RIOK2: variants seen among roughly 807,000 people sequenced by gnomAD.
RIOK2 encodes serine/threonine-protein kinase RIO2.
A neutral mutation model predicts 62.4 loss-of-function variants in RIOK2; 46 were observed. The ratio of observed to expected loss-of-function variants is 0.74; its 90% CI spans 0.58 to 0.94. RIOK2 has a LOEUF of 0.94. Ranked by LOEUF, RIOK2 falls within the 40% of genes least tolerant of loss-of-function variation. The pLI is 0.00. For synonymous variants in RIOK2, 197 were observed against 216.0 expected, an observed-to-expected ratio of 0.91 and a Z score of 0.77; for missense variants, 574 against 658.0, an observed-to-expected ratio of 0.87 and a Z score of 1.40.
At chr5:97,173,931 G>A (rs1457285184) in intron 4 of RIOK2, among the ~76,000 whole-genome samples, 1 of 152,098 alleles carries the variant, frequency 6.6e-6, no homozygotes, top group Non-Finnish European at 1.5e-5. Flanking sequence ...AAATACCTTA[G>A]ATTTATGCCC....
chr5:97,177,623 A>G, intron 3 of RIOK2, 109 bp downstream of exon 3: 1 of 718,780 alleles, frequency 1.4e-6, no homozygotes. Context: ...CAACTTTCCA[A>G]CTTACTGTTT....
intron 1 of RIOK2, chr5:97,182,714 A>C (rs113395488): frequency 9.2e-5 from 21 of 227,650 alleles, no homozygotes; most frequent in African/African-American, 4.2e-4. Context: ...GTGTTGACTG[A>C]ATGAATCAGA....
chr5:97,171,398 C>A lies in RIOK2; in HGVS notation c.588-1G>T. 1 of 1,516,472 alleles carries A rather than the reference C, an allele frequency of 6.6e-7. No homozygotes were observed. Among genetic ancestry groups the A allele is most frequent in the Non-Finnish European group, 8.8e-7 (1 of 1,129,966 alleles). 93.9% of individuals were successfully genotyped at this position (1,516,472 alleles called of 1,614,324 possible). On this transcript the variant is annotated splice_acceptor_variant, in intron 5 of 9. Transcript: ENST00000283109. LOFTEE classifies it high-confidence loss of function. ...ATCTTCAACATGGTGTATCTGACAT[C>A]TGAAAGTATTTTAAGCATGAAAATA... is the stretch of plus-strand genomic sequence containing the variant.
chr5:97,167,842 A>G lies in RIOK2; in HGVS notation c.1022T>C (p.Val341Ala). 6.2e-7 allele frequency: 1 copy of G among 1,614,094 alleles called. No homozygotes were observed. Residue 341 changes from valine (V) to alanine (A), a missense_variant, in exon 8 of 10, where the codon GTG becomes GCG. Transcript: ENST00000283109. ...CCCGTAAACCTCTGCTTTTTCTGCC[A>G]CTTCTCCATCTGAAAATGAGAATTC... ...GSEFSFSDGE[V>A]AEKAEVYGSE...
chr5:97,177,198 CGTTT>C lies in RIOK2; in HGVS notation c.412_415del (p.Lys138AlafsTer21), dbSNP rs755714629. On this transcript the variant is annotated frameshift_variant, in exon 4 of 10. Transcript: ENST00000283109. LOFTEE classifies it high-confidence loss of function. ...ATTGTGCCTATGTTTATGATAATCG[CGTTT>C]GTTTTTCAAATTTCGAAACGAGGTT... The C allele has an allele frequency of 2.0e-5, 32 of 1,613,246 alleles. No homozygotes were observed. Among genetic ancestry groups the C allele is most frequent in the Non-Finnish European group, 2.7e-5 (32 of 1,179,546 alleles).
chr5:97,171,340 T>G lies in RIOK2; in HGVS notation c.645A>C (p.Leu215=). The G allele has an allele frequency of 6.2e-7, 1 of 1,607,662 alleles. No individual in the cohort carries two copies. Among genetic ancestry groups the G allele is most frequent in the Non-Finnish European group, 8.5e-7 (1 of 1,177,500 alleles). ...GCCCATGATTTGCAAGTTTGACAAT[T>G]AGTTCCATAGCTTCATCATATACTG... The part of the protein sequence containing the change: ...PASVYDEAME[L]IVKLANHGLI... Residue 215 remains leucine (L), a synonymous_variant, in exon 6 of 10, where the codon CTA becomes CTC. Transcript: ENST00000283109.
chr5:97,162,896 A>G lies in RIOK2; in HGVS notation c.*165T>C. The G allele has an allele frequency of 1.8e-6, 1 of 569,442 alleles. No homozygotes were observed. Among genetic ancestry groups the G allele is most frequent in the Non-Finnish European group, 3.0e-6 (1 of 336,222 alleles). 35.3% of individuals were successfully genotyped at this position (569,442 alleles called of 1,614,324 possible). Reference sequence around the variant, plus strand: ...AAAAAAATGGACTGCTTTGGCAGGTAATTATTCTTTGCAAGACACATACTG... The same window carrying G: ...AAAAAAATGGACTGCTTTGGCAGGTGATTATTCTTTGCAAGACACATACTG... On this transcript the variant is annotated 3_prime_UTR_variant, in exon 10 of 10. Transcript: ENST00000283109.
chr5:97,178,930 G>A (rs984232014), intron 2 of RIOK2, 125 bp downstream of exon 2: 2 of 1,066,038 alleles, frequency 1.9e-6, no homozygotes, highest in Non-Finnish European at 2.8e-6. Context: ...GCCGAAGTGT[G>A]TTCTGTCAGT....
chr5:97,173,032 A>C, intron 5 of RIOK2, 143 bp downstream of exon 5: 1 of 563,996 alleles, frequency 1.8e-6, no homozygotes, highest in South Asian at 2.6e-5. Context: ...CTGGGTTTTT[A>C]ATTTGTCTTT....
intron 1 of RIOK2, among the ~76,000 whole-genome samples, chr5:97,182,325 C>A (rs1486134007): frequency 6.6e-6 from 1 of 152,202 alleles, no homozygotes; most frequent in Non-Finnish European, 1.5e-5. Flanking sequence ...TCACTTTGCT[C>A]CAGCCACATT....
intron 1 of RIOK2, among the ~76,000 whole-genome samples, chr5:97,181,122 A>G (rs1447266527): frequency 6.6e-6 from 1 of 152,000 alleles, no homozygotes; most frequent in African/African-American, 2.4e-5. Flanking sequence ...AAATACAAAA[A>G]TTAGCTGGGC....
chr5:97,168,059 C>G, intron 7 of RIOK2, 68 bp from the exon 8 acceptor site: 1 of 1,429,568 alleles, frequency 7.0e-7, no homozygotes. Flanking sequence ...CAAATATCTA[C>G]TACTCTGATA....
At chr5:97,179,331 C>T (rs1749270561) in intron 1 of RIOK2, 138 bp from the exon 2 acceptor site, 2 of 713,932 alleles carry the variant, frequency 2.8e-6, no homozygotes, top group Admixed American at 6.2e-5. Context: ...TCACTTCCGT[C>T]TCTTGAAAAT....
At chr5:97,174,313 G>C (rs1000449841) in intron 4 of RIOK2, among the ~76,000 whole-genome samples, 2 of 152,166 alleles carry the variant, frequency 1.3e-5, no homozygotes, top group African/African-American at 2.4e-5. Flanking sequence ...CCAGCTACCT[G>C]GGAGGCTGAG....
chr5:97,180,847 A>T (rs1218896111), intron 1 of RIOK2, among the ~76,000 whole-genome samples: 3 of 152,172 alleles, frequency 2.0e-5, no homozygotes, highest in Admixed American at 2.0e-4. Flanking sequence ...GAAAGCCACA[A>T]TTGGAAGTGA....
In RIOK2 at chr5:97,167,335, C is replaced by T. The variant is rs962496459; in HGVS notation, c.1397+132G>A. The T allele has an allele frequency of 5.1e-5, 74 of 1,465,116 alleles. No homozygotes were observed. The African/African-American group carries it at 8.3e-4, about 16-fold the overall frequency. 90.8% of individuals were successfully genotyped at this position (1,465,116 alleles called of 1,614,324 possible). On this transcript the variant is annotated intron_variant, in intron 8 of 9. Transcript: ENST00000283109. ...TTTTTAACAACAAAAAATTATTTGG[C>T]TTTCATTTTATACATCAAGGTGGCA... is the stretch of plus-strand genomic sequence containing the variant.
rs1748711418 is a variant in RIOK2 at position 97,161,948 on chromosome 5, T to C, written c.*1113A>G. On this transcript the variant is annotated 3_prime_UTR_variant, in exon 10 of 10. Transcript: ENST00000283109. ...TTTTGAGGGAAGAGGAATTGGCATT[T>C]TCTAGCTTCTATATATTTAAGCCAA... The C allele has an allele frequency of 6.6e-6, 1 of 151,918 alleles. No homozygotes were observed. Among genetic ancestry groups the C allele is most frequent in the African/African-American group, 2.4e-5 (1 of 41,184 alleles). The allele number at this position is 151,918 out of a possible 1,614,324, so 9.4% of individuals were successfully genotyped here.
Position 97,167,990 on chromosome 5 carries a change from T to A in RIOK2, c.874A>T (p.Arg292Ter). Residue 292 changes from arginine to a stop codon, truncating the protein, a stop_gained and splice_region_variant, in exon 8 of 10, where the codon AGA becomes TGA. Coordinates refer to ENST00000283109, the MANE Select transcript of RIOK2 (RefSeq NM_018343.3). LOFTEE classifies it high-confidence loss of function. ...ACCTCCACATCAAGAGTGTCTTCTCTCCTAGAAAAAAAAGGCGTCAAGCAT... is the reference window on the plus strand; with the variant it reads ...ACCTCCACATCAAGAGTGTCTTCTCACCTAGAAAAAAAAGGCGTCAAGCAT... Reference protein sequence around the residue: ...ELFPTFKDIRREDTLDVEVSA... With the variant: ...ELFPTFKDIR 1 of 1,576,098 alleles carries A rather than the reference T, an allele frequency of 6.3e-7. No homozygotes were observed. Among genetic ancestry groups the A allele is most frequent in the Non-Finnish European group, 8.5e-7 (1 of 1,170,126 alleles).
rs1580277592 is a variant in RIOK2, at chr5:97,178,481, A to ACGTGCTCTTCTG, written c.205+573_205+574insCAGAAGAGCACG. On this transcript the variant is annotated intron_variant, in intron 2 of 9. Coordinates refer to ENST00000283109, the MANE Select transcript of RIOK2 (RefSeq NM_018343.3). The stretch of plus-strand genomic sequence containing the variant: ...ACCTACATGCTCTTCTGCAGTACCT[A>ACGTGCTCTTCTG]CATGCTCTTCTGCAGTGCTCTACCT... 1.0e-4 allele frequency among the ~76,000 whole-genome samples: 15 copies of ACGTGCTCTTCTG among 147,648 alleles called. 1 individual carries two copies. In the East Asian group the frequency reaches 3.1e-3, roughly 30 times the overall value.
Sources: allele counts gnomAD v4.1 joint callset (sites outside exome capture counted in the v4.1 genomes callset), GRCh38; gene constraint gnomAD v4.1.1; transcripts MANE v1.5; gene names NCBI Gene and HGNC (gene_info 2026-07-23, HGNC 2026-07-21).